Variants in UNC79 observed in about 807,000 individuals in gnomAD.
The protein encoded by UNC79 is protein unc-79 homolog.
In UNC79, 37 loss-of-function variants were observed where a neutral mutation model predicts 283.1. That is an observed-to-expected ratio of 0.13 (90% CI 0.10 to 0.17). The LOEUF (loss-of-function observed/expected upper bound fraction) is 0.17, where lower values mean the gene tolerates loss of function less well. UNC79 is among the 10% of genes least tolerant of loss of function. The pLI is 1.00. For synonymous variants in UNC79, 1,107 were observed against 1,200.2 expected, an observed-to-expected ratio of 0.92 and a Z score of 1.61; for missense variants, 2,272 against 3,211.1, an observed-to-expected ratio of 0.71 and a Z score of 7.07.
intron 19 of UNC79, among the ~76,000 whole-genome samples, chr14:93,581,418 T>C (rs2063792092): frequency 6.7e-6 from 1 of 149,496 alleles, no homozygotes; most frequent in African/African-American, 2.5e-5. Flanking sequence ...GTGATCCTCC[T>C]TGCCTCACCC....
At position 93,420,317 on chromosome 14, in the gene UNC79, A is replaced by G. The variant is rs184753664; in HGVS notation, c.-350-47354A>G. Among the ~76,000 whole-genome samples the G allele has an allele frequency of 8.6e-5, 13 of 151,852 alleles. No individual in the cohort carries two copies. In the East Asian group the frequency reaches 2.5e-3, roughly 30 times the overall value. ...AACCAAAAAGAGCAGGAGTGGCTATATTTATATCCAACAAAATAGATTTCA... is the reference window on the plus strand; with the variant it reads ...AACCAAAAAGAGCAGGAGTGGCTATGTTTATATCCAACAAAATAGATTTCA... On this transcript the variant is annotated intron_variant, in intron 1 of 49. Transcript: ENST00000256339.
chr14:93,366,264 T>A (rs1008895900), intron 1 of UNC79, among the ~76,000 whole-genome samples: 2 of 152,192 alleles, frequency 1.3e-5, no homozygotes, highest in Non-Finnish European at 2.9e-5. Context: ...AAAGATTTTT[T>A]AAAATTTATG....
rs374708384 is a variant in UNC79 at position 93,622,205 on chromosome 14, G to C, written c.4972G>C (p.Gly1658Arg). Residue 1658 changes from glycine (G) to arginine (R), a missense_variant, in exon 30 of 49, where the codon GGC becomes CGC. Coordinates refer to ENST00000555664, the Ensembl canonical transcript of UNC79. ...GGAGACGATGAACCAAGGCGATGAC[G>C]GCCCCTCCGGTAAAAATGCTGCCTC... is the stretch of plus-strand genomic sequence containing the variant. 2.0e-5 allele frequency: 33 copies of C among 1,613,998 alleles called. No homozygotes were observed. The highest frequency in any genetic ancestry group is 6.7e-5 in the African/African-American group (5 of 74,908).
At chr14:93,599,380 G>GTGTGTA (rs2065328310) in intron 24 of UNC79, among the ~76,000 whole-genome samples, 1 of 151,620 alleles carries the variant, frequency 6.6e-6, no homozygotes, top group Admixed American at 6.6e-5. Flanking sequence ...GTGTGTGTGT[G>GTGTGTA]TGTGTATGTG....
intron 26 of UNC79, among the ~76,000 whole-genome samples, chr14:93,611,567 C>T (rs2066306053): frequency 6.6e-6 from 1 of 152,158 alleles, no homozygotes; most frequent in South Asian, 2.1e-4. Context: ...ATTTCTTATG[C>T]CTCGCGTCTC....
At chr14:93,406,135 C>T (rs2055221157) in intron 1 of UNC79, among the ~76,000 whole-genome samples, 1 of 152,134 alleles carries the variant, frequency 6.6e-6, no homozygotes, top group Admixed American at 6.5e-5. Flanking sequence ...AGCTTTGATA[C>T]TATAATTGGA....
At chr14:93,528,347 GA>G (rs1476462876) in intron 8 of UNC79, among the ~76,000 whole-genome samples, 1 of 152,166 alleles carries the variant, frequency 6.6e-6, no homozygotes, top group Non-Finnish European at 1.5e-5. Context: ...CAGGAGAAAT[GA>G]AAAACCACGG....
exon 15 of UNC79, chr14:93,571,998 C>T: frequency 3.1e-6 from 5 of 1,614,188 alleles, no homozygotes; most frequent in Non-Finnish European, 4.2e-6. Context: ...ATCAATCTGT[C>T]TGGGAGTGTA....
At chr14:93,654,384 TA>T (rs2070676707) in intron 37 of UNC79, among the ~76,000 whole-genome samples, 2 of 151,782 alleles carry the variant, frequency 1.3e-5, no homozygotes, top group East Asian at 3.9e-4. Context: ...TAGTCCCAGC[TA>T]CTCAGGAGAC....
At chr14:93,606,297 A>G (rs749839371) in intron 26 of UNC79, among the ~76,000 whole-genome samples, 59 of 152,360 alleles carry the variant, frequency 3.9e-4, no homozygotes, top group Non-Finnish European at 2.6e-4. Context: ...AAAGAGGCAG[A>G]TAACAGCATT....
chr14:93,404,493 A>AAAAAAAAAAAAAAATATATATAT, intron 1 of UNC79, among the ~76,000 whole-genome samples: 14 of 61,496 alleles, frequency 2.3e-4, no homozygotes, highest in East Asian at 5.5e-4. Context: ...TTCTAAAAAA[A>AAAAAAAAAAAAAAATATATATAT]ATATATATAT....
intron 1 of UNC79, among the ~76,000 whole-genome samples, chr14:93,351,887 G>C (rs1312088169): frequency 6.6e-6 from 1 of 152,106 alleles, no homozygotes; most frequent in Non-Finnish European, 1.5e-5. Context: ...ATTGGATGAG[G>C]TCCACCTACA....
intron 24 of UNC79, 22 bp downstream of exon 24, chr14:93,597,562 C>G (rs1484436460): frequency 6.2e-7 from 1 of 1,603,434 alleles, no homozygotes; most frequent in Non-Finnish European, 8.5e-7. Context: ...TTTGTGTTAT[C>G]TGCTCCGAAG....
At chr14:93,479,760 A>G (rs927324758) in intron 4 of UNC79, among the ~76,000 whole-genome samples, 4 of 152,054 alleles carry the variant, frequency 2.6e-5, no homozygotes, top group Non-Finnish European at 2.9e-5. Context: ...TTAGGCTCCC[A>G]AGTAGGGTGT....
At chr14:93,568,803 T>G (rs949383604) in intron 14 of UNC79, among the ~76,000 whole-genome samples, 12 of 152,236 alleles carry the variant, frequency 7.9e-5, no homozygotes, top group Non-Finnish European at 1.8e-4. Context: ...TGGAACAAGT[T>G]TTTACCTATT....
chr14:93,487,867 T>A, intron 5 of UNC79, 112 bp downstream of exon 5: 2 of 976,970 alleles, frequency 2.0e-6, no homozygotes, highest in Non-Finnish European at 3.0e-6. Flanking sequence ...TAGAGATGTG[T>A]AGAAAACAGA....
At chr14:93,500,485 C>G (rs547187694) in intron 7 of UNC79, among the ~76,000 whole-genome samples, 1 of 152,156 alleles carries the variant, frequency 6.6e-6, no homozygotes, top group African/African-American at 2.4e-5. Flanking sequence ...TCATTCCGGT[C>G]TATAGATTAC....
chr14:93,692,020 CCT>C lies in UNC79; in HGVS notation c.7470+75_7470+76del. On this transcript the variant is annotated intron_variant, in intron 46 of 48. Coordinates refer to ENST00000555664, the Ensembl canonical transcript of UNC79. ...CACACCACTCCTAATCCTCACACTCCCTGTTTTCACAGATCTCAGTTGTAAGG... is the reference window on the plus strand; with the variant it reads ...CACACCACTCCTAATCCTCACACTCCGTTTTCACAGATCTCAGTTGTAAGG... The C allele has an allele frequency of 2.0e-6, 3 of 1,514,730 alleles. No individual in the cohort carries two copies. The East Asian group carries it at 6.8e-5, about 34-fold the overall frequency. The allele number at this position is 1,514,730 out of a possible 1,614,324, so 93.8% of individuals were successfully genotyped here.
At chr14:93,555,558 C>T (rs1320434630) in intron 14 of UNC79, among the ~76,000 whole-genome samples, 13 of 152,116 alleles carry the variant, frequency 8.5e-5, no homozygotes, top group Non-Finnish European at 1.5e-5. Context: ...TGCACGCCAC[C>T]ATGCCCGGCT....
Sources: allele counts gnomAD v4.1 joint callset (sites outside exome capture counted in the v4.1 genomes callset), GRCh38; gene constraint gnomAD v4.1.1; transcripts MANE v1.5; gene names NCBI Gene and HGNC (gene_info 2026-07-23, HGNC 2026-07-21).